IL1RAPL2: variants seen among roughly 807,000 people sequenced by gnomAD.
The protein encoded by IL1RAPL2 is interleukin 1 receptor accessory protein like 2.
IL1RAPL2 carries 3 observed loss-of-function variants against 44.1 expected under a neutral mutation model. The ratio of observed to expected loss-of-function variants is 0.07; its 90% CI spans 0.03 to 0.18. The LOEUF (loss-of-function observed/expected upper bound fraction) is 0.18. IL1RAPL2 is among the 10% of genes least tolerant of loss of function. The pLI is 1.00. For synonymous variants in IL1RAPL2, 181 were observed against 178.8 expected (o/e 1.01, Z -0.10); for missense variants, 391 against 496.4 (o/e 0.79, Z 2.02).
chrX:105,489,787 T>TTCTCTCTCTCTCTCTC (rs36081932), intron 6 of IL1RAPL2, among the ~76,000 whole-genome samples: 106 of 73,375 alleles, frequency 1.4e-3, no homozygotes, highest in African/African-American at 3.5e-3. Flanking sequence ...CTTTCTCTCT[T>TTCTCTCTCTCTCTCTC]TCTCTCTCTC....
intron 2 of IL1RAPL2, among the ~76,000 whole-genome samples, chrX:105,036,399 A>G (rs2031629376): frequency 8.9e-6 from 1 of 111,997 alleles, no homozygotes; most frequent in African/African-American, 3.2e-5. Context: ...TCTCTGGCTC[A>G]TGGATCAATC....
At chrX:105,131,295 T>C (rs181809440) in intron 2 of IL1RAPL2, among the ~76,000 whole-genome samples, 36 of 110,346 alleles carry the variant, frequency 3.3e-4, no homozygotes, top group Middle Eastern at 4.6e-3. Context: ...GCAAACTTTT[T>C]ATTTTCTGTA....
intron 2 of IL1RAPL2, among the ~76,000 whole-genome samples, chrX:105,155,503 T>TG (rs777051148): frequency 9.0e-6 from 1 of 111,119 alleles, no homozygotes; most frequent in East Asian, 2.9e-4. Context: ...AAATATAGTC[T>TG]GGGCTCTGAT....
At chrX:105,088,147 A>G (rs752613131) in intron 2 of IL1RAPL2, among the ~76,000 whole-genome samples, 110 of 112,095 alleles carry the variant, frequency 9.8e-4, no homozygotes, top group Non-Finnish European at 4.3e-4. Flanking sequence ...ACATCATTTA[A>G]ATTGGTCAAC....
chrX:105,264,920 A>T (rs1003930860), intron 4 of IL1RAPL2, among the ~76,000 whole-genome samples: 1 of 112,025 alleles, frequency 8.9e-6, no homozygotes, highest in Admixed American at 9.5e-5. Flanking sequence ...CCTCTATTGG[A>T]TACAAAGAAC....
chrX:105,010,434 A>G (rs1254379902), intron 2 of IL1RAPL2, among the ~76,000 whole-genome samples: 3 of 111,455 alleles, frequency 2.7e-5, no homozygotes, highest in Non-Finnish European at 3.8e-5. Context: ...CAAGACTTTT[A>G]AGTTGGCTAG....
intron 5 of IL1RAPL2, among the ~76,000 whole-genome samples, chrX:105,285,162 C>A (rs1439429685): frequency 9.0e-6 from 1 of 111,554 alleles, no homozygotes; most frequent in Non-Finnish European, 1.9e-5. Flanking sequence ...CATTTTAACT[C>A]AACTCAATGA....
intron 1 of IL1RAPL2, chrX:104,648,013 T>C: frequency 3.0e-6 from 2 of 675,860 alleles, no homozygotes; most frequent in Non-Finnish European, 4.6e-6. Context: ...TTTCTTCTGC[T>C]GGACCCTCTC....
At chrX:105,489,750 C>G (rs2036297784) in intron 6 of IL1RAPL2, among the ~76,000 whole-genome samples, 1 of 94,619 alleles carries the variant, frequency 1.1e-5, no homozygotes, top group Admixed American at 1.2e-4. Flanking sequence ...CTCTCTCTTT[C>G]TTTCTTTCTC....
At chrX:104,741,921 A>C (rs761610972) in intron 2 of IL1RAPL2, among the ~76,000 whole-genome samples, 2 of 111,691 alleles carry the variant, frequency 1.8e-5, no homozygotes, top group East Asian at 5.7e-4. Flanking sequence ...TTGCACAGCT[A>C]TCTTGATCTA....
chrX:105,611,229 CA>C (rs2037333909), intron 6 of IL1RAPL2, among the ~76,000 whole-genome samples: 1 of 111,725 alleles, frequency 9.0e-6, no homozygotes, highest in Non-Finnish European at 1.9e-5. Context: ...AGTGTTATTA[CA>C]AAAAAGTCAA....
intron 2 of IL1RAPL2, among the ~76,000 whole-genome samples, chrX:104,914,537 C>A (rs1452880567): frequency 9.0e-6 from 1 of 111,577 alleles, no homozygotes; most frequent in Non-Finnish European, 1.9e-5. Context: ...AAAAGCAAGT[C>A]ACAAAACACA....
At chrX:105,755,492 TTC>T (rs1358872712) in intron 10 of IL1RAPL2, 145 bp downstream of exon 10, 1 of 376,500 alleles carries the variant, frequency 2.7e-6, no homozygotes, top group African/African-American at 2.6e-5. Context: ...TATGCCTGTG[TTC>T]TGACTTTCTA....
intron 5 of IL1RAPL2, among the ~76,000 whole-genome samples, chrX:105,423,771 C>T (rs945829992): frequency 9.1e-6 from 1 of 110,243 alleles, no homozygotes; most frequent in Non-Finnish European, 1.9e-5. Context: ...TCAAACTCAT[C>T]TTCCCTACTG....
At chrX:105,585,495 C>A (rs904783833) in intron 6 of IL1RAPL2, among the ~76,000 whole-genome samples, 2 of 110,871 alleles carry the variant, frequency 1.8e-5, no homozygotes, top group African/African-American at 6.6e-5. Context: ...TGTGTTAGCT[C>A]TTTTCCTAAT....
chrX:105,574,985 A>G (rs1040287754), intron 6 of IL1RAPL2, among the ~76,000 whole-genome samples: 2 of 111,599 alleles, frequency 1.8e-5, no homozygotes, highest in Non-Finnish European at 3.8e-5. Context: ...AAAGATATGT[A>G]AGTAGGTGAG....
chrX:105,689,104 TA>T (rs1355689591), intron 6 of IL1RAPL2, among the ~76,000 whole-genome samples: 1 of 111,748 alleles, frequency 8.9e-6, no homozygotes, highest in Non-Finnish European at 1.9e-5. Flanking sequence ...ATGTTAGACC[TA>T]AAACCATAAA....
At chrX:105,095,010 C>A (rs777606228) in intron 2 of IL1RAPL2, among the ~76,000 whole-genome samples, 2 of 111,256 alleles carry the variant, frequency 1.8e-5, no homozygotes, top group Admixed American at 9.6e-5. Context: ...TTTTGTATAC[C>A]AATATCGTAT....
intron 8 of IL1RAPL2, among the ~76,000 whole-genome samples, chrX:105,740,996 C>T (rs60192032): frequency 0.15 from 16,749 of 111,136 alleles, 1,203 homozygotes; most frequent in South Asian, 0.29. Flanking sequence ...ATTTTCTCCA[C>T]ATTTTGCCTT....
Sources: allele counts gnomAD v4.1 joint callset (sites outside exome capture counted in the v4.1 genomes callset), GRCh38; gene constraint gnomAD v4.1.1; transcripts MANE v1.5; gene names NCBI Gene and HGNC (gene_info 2026-07-23, HGNC 2026-07-21).